The following MINPP1 variants were observed in gnomAD, a reference collection of about 807,000 sequenced individuals.
MINPP1 encodes multiple inositol-polyphosphate phosphatase 1, also known as multiple inositol polyphosphate phosphatase 1.
Under a neutral mutation model 46.1 loss-of-function variants are expected in MINPP1, and 28 were observed. The observed-to-expected ratio is 0.61, with a 90% confidence interval of 0.45 to 0.83. MINPP1 has a LOEUF of 0.83. Among genes scored for constraint, MINPP1 ranks in the 40% least tolerant of loss-of-function variants. MINPP1 has a pLI of 0.00. For synonymous variants in MINPP1, 268 were observed against 249.1 expected (o/e 1.08, Z -0.72); for missense variants, 603 against 610.0 (o/e 0.99, Z 0.12).
At chr10:87,536,898 C>G (rs1320944427) in intron 4 of MINPP1, among the ~76,000 whole-genome samples, 1 of 151,538 alleles carries the variant, frequency 6.6e-6, no homozygotes. Context: ...GGGAACCTAC[C>G]TAATTAGATG....
intron 4 of MINPP1, among the ~76,000 whole-genome samples, chr10:87,529,332 T>C (rs577477606): frequency 5.6e-4 from 85 of 152,380 alleles, no homozygotes; most frequent in African/African-American, 1.9e-3. Context: ...GGCTTGTTTT[T>C]GCAGTGGCTG....
intron 4 of MINPP1, among the ~76,000 whole-genome samples, chr10:87,537,573 C>G (rs1163201469): frequency 3.4e-5 from 5 of 147,202 alleles, no homozygotes; most frequent in African/African-American, 1.3e-4. Context: ...AGTCCTTTGT[C>G]AGATTTATGC....
intron 4 of MINPP1, among the ~76,000 whole-genome samples, chr10:87,547,052 A>G (rs2131843077): frequency 6.6e-6 from 1 of 152,220 alleles, no homozygotes; most frequent in East Asian, 1.9e-4. Context: ...AGTCTTCCTC[A>G]GTCATTATGT....
chr10:87,532,166 C>CT (rs1369139317), intron 4 of MINPP1, among the ~76,000 whole-genome samples: 4 of 152,166 alleles, frequency 2.6e-5, no homozygotes, highest in African/African-American at 9.7e-5. Context: ...GAGACTTATT[C>CT]TTTTCAAACT....
chr10:87,548,398 C>G (rs1851918317), intron 4 of MINPP1, among the ~76,000 whole-genome samples: 1 of 152,184 alleles, frequency 6.6e-6, no homozygotes. Flanking sequence ...CCTGTCACAT[C>G]TAACAAATTA....
At chr10:87,547,324 C>T (rs1231958127) in intron 4 of MINPP1, among the ~76,000 whole-genome samples, 3 of 152,026 alleles carry the variant, frequency 2.0e-5, no homozygotes, top group Non-Finnish European at 2.9e-5. Flanking sequence ...GGTTGGCCCA[C>T]CTGTTCTCAA....
intron 4 of MINPP1, among the ~76,000 whole-genome samples, chr10:87,524,394 A>G (rs1003362213): frequency 2.6e-5 from 4 of 152,190 alleles, no homozygotes; most frequent in African/African-American, 9.7e-5. Flanking sequence ...GCTAAGGGGA[A>G]TGTTGCAGCT....
Position 87,505,284 on chromosome 10 carries a change from C to T in MINPP1, c.369C>T (p.Gly123=). ...GGGATGGCGGGGCTAGTAGTACCGG[C>T]AGCCGCGACCTGGGTGCAGCGCTGG... is the stretch of plus-strand genomic sequence containing the variant. ...GSRDGGASST[G]SRDLGAALAD... is the part of the protein sequence containing the mutation. The change falls in exon 1 of 5, where the codon GGC becomes GGT. Residue 123 remains glycine (G), a synonymous_variant. Transcript: ENST00000371996. The surrounding 1 kb of genome is among the most constrained non-coding windows in gnomAD (Gnocchi z 4.4). 1 of 1,610,852 alleles carries T rather than the reference C, an allele frequency of 6.2e-7. No individual in the cohort carries two copies. The highest frequency in any genetic ancestry group is 8.5e-7 in the Non-Finnish European group (1 of 1,177,788).
At chr10:87,534,534 A>G (rs981562734) in intron 4 of MINPP1, among the ~76,000 whole-genome samples, 5 of 151,628 alleles carry the variant, frequency 3.3e-5, no homozygotes, top group Admixed American at 1.3e-4. Flanking sequence ...TTACCTTTGT[A>G]CATTTTTTTT....
intron 4 of MINPP1, among the ~76,000 whole-genome samples, chr10:87,535,789 C>T (rs149237816): frequency 2.2e-3 from 339 of 151,990 alleles, no homozygotes; most frequent in African/African-American, 7.9e-3. Context: ...ATTAGCCAGG[C>T]GTGGTGGCAT....
Position 87,508,387 on chromosome 10 carries a change from A to T in MINPP1, c.689A>T (p.Asp230Val), listed in dbSNP as rs750537943. 1 of 1,613,090 alleles carries T rather than the reference A, an allele frequency of 6.2e-7. No individual in the cohort carries two copies. The highest frequency in any genetic ancestry group is 8.5e-7 in the Non-Finnish European group (1 of 1,179,712). ...AATGATAAACTAATGAGATTTTTTG[A>T]TCACTGTGAGAAGTTTTTAACTGAA... ...TVNDKLMRFF[D>V]HCEKFLTEVE... The change falls in exon 2 of 5, where the codon GAT (aspartate) becomes GTT (valine). Residue 230 changes from aspartate (D) to valine (V), a missense_variant. By Grantham distance (152) the Asp-to-Val change is radical. This residue lies in a region of MINPP1 where 344 missense variants were observed against 381.1 expected (regional missense o/e 0.90). Transcript: ENST00000371996.
chr10:87,536,475 C>T (rs1004753948), intron 4 of MINPP1, among the ~76,000 whole-genome samples: 8 of 151,906 alleles, frequency 5.3e-5, no homozygotes, highest in African/African-American at 1.9e-4. Context: ...TCAGTTTTTA[C>T]ATATATATAT....
chr10:87,514,962 C>T (rs188108883), intron 3 of MINPP1, among the ~76,000 whole-genome samples: 8 of 151,924 alleles, frequency 5.3e-5, no homozygotes, highest in Non-Finnish European at 7.4e-5. Flanking sequence ...GTGATCTGCC[C>T]GCCTGGGCCC....
intron 4 of MINPP1, among the ~76,000 whole-genome samples, chr10:87,539,129 G>A (rs563056538): frequency 1.3e-5 from 2 of 152,242 alleles, no homozygotes; most frequent in South Asian, 4.1e-4. Context: ...TTTTCACGCT[G>A]TTATTCCTAA....
chr10:87,517,046 A>G (rs1277278448), intron 3 of MINPP1, among the ~76,000 whole-genome samples: 3 of 152,172 alleles, frequency 2.0e-5, no homozygotes, highest in African/African-American at 7.2e-5. Flanking sequence ...GGAACAACAT[A>G]CACTGGGGCC....
chr10:87,538,426 T>C (rs11813447), intron 4 of MINPP1, among the ~76,000 whole-genome samples: 56,289 of 152,088 alleles, frequency 0.37, 11,373 homozygotes, highest in Non-Finnish European at 0.47. Context: ...CTTATAACTA[T>C]TGTTGAGTGT....
chr10:87,513,122 A>AG lies in MINPP1; in HGVS notation c.836-1dup. The AG allele has an allele frequency of 6.2e-7, 1 of 1,612,364 alleles. No individual in the cohort carries two copies. Among genetic ancestry groups the AG allele is most frequent in the South Asian group, 1.1e-5 (1 of 91,042 alleles). Reference sequence around the variant, plus strand: ...CAAAATTTTACCTTTTTTTCCCCCCAGATTTAATTCAAGTAGCCTTTTTCA... The same window carrying AG: ...CAAAATTTTACCTTTTTTTCCCCCCAGGATTTAATTCAAGTAGCCTTTTTCA... On this transcript the variant is annotated splice_acceptor_variant, in intron 2 of 4. Coordinates refer to ENST00000371996, the MANE Select transcript of MINPP1 (RefSeq NM_004897.5). LOFTEE classifies it high-confidence loss of function.
intron 4 of MINPP1, among the ~76,000 whole-genome samples, chr10:87,541,012 A>C (rs1458314732): frequency 2.0e-5 from 3 of 152,220 alleles, no homozygotes; most frequent in Admixed American, 6.5e-5. Flanking sequence ...CACAAACTCC[A>C]CAGCTGTCTC....
chr10:87,513,910 T>C (rs538939012), intron 3 of MINPP1, among the ~76,000 whole-genome samples: 9 of 150,922 alleles, frequency 6.0e-5, no homozygotes, highest in African/African-American at 2.2e-4. Context: ...TCAGGGGGCT[T>C]TAGGAGAACA....
Sources: allele counts gnomAD v4.1 joint callset (sites outside exome capture counted in the v4.1 genomes callset), GRCh38; gene constraint gnomAD v4.1.1; regional missense constraint gnomAD v4.1.1; non-coding constraint Gnocchi (gnomAD v3.1); transcripts MANE v1.5; gene names NCBI Gene and HGNC (gene_info 2026-07-23, HGNC 2026-07-21).